AJAP1: variants seen among roughly 807,000 people sequenced by gnomAD.
AJAP1 encodes the protein adherens junction-associated protein 1.
AJAP1 carries 5 observed loss-of-function variants against 35.0 expected under a neutral mutation model. The ratio of observed to expected loss-of-function variants is 0.14; its 90% CI spans 0.07 to 0.30. The LOEUF is 0.30. Among genes scored for constraint, AJAP1 ranks in the 10% least tolerant of loss-of-function variants. AJAP1 has a pLI of 1.00. For missense variants in AJAP1, 586 were observed against 571.0 expected, an observed-to-expected ratio of 1.03 and a Z score of -0.27; for synonymous variants, 284 against 249.3, an observed-to-expected ratio of 1.14 and a Z score of -1.31.
intron 1 of AJAP1, among the ~76,000 whole-genome samples, chr1:4,657,724 G>A (rs1052131056): frequency 6.9e-6 from 1 of 144,910 alleles, no homozygotes; most frequent in Non-Finnish European, 1.5e-5. Context: ...GGGTGGGGGT[G>A]GGGGTGGGGT....
rs1414607727 is a variant in AJAP1, at chr1:4,692,380, T to TG, written c.30-19514dup. The stretch of plus-strand genomic sequence containing the variant: ...TGGCCTCTCAGCCTGCAGGAGAGGC[T>TG]GGGGGGCACGTCTGAGGGTGCAGCA... On this transcript the variant is annotated intron_variant, in intron 1 of 5. Coordinates refer to ENST00000378191, the MANE Select transcript of AJAP1 (RefSeq NM_018836.4). The surrounding 1 kb of genome is among the most constrained non-coding windows in gnomAD (Gnocchi z 4.4). Among the ~76,000 whole-genome samples, 3 of 152,216 alleles carry TG rather than the reference T, an allele frequency of 2.0e-5. No homozygotes were observed. The highest frequency in any genetic ancestry group is 1.3e-4 in the Admixed American group (2 of 15,296).
intron 2 of AJAP1, among the ~76,000 whole-genome samples, chr1:4,713,980 C>T (rs898599080): frequency 2.6e-5 from 4 of 152,236 alleles, no homozygotes; most frequent in Admixed American, 2.6e-4. Flanking sequence ...GCGTCCTGGC[C>T]CTGGTTCCTC....
Position 4,696,478 on chromosome 1 carries a change from A to G in AJAP1, c.30-15422A>G, listed in dbSNP as rs575278819. ...GTGTCCCTTTGGGAAGGAATTACCCAACCTACAGTGCTTCATCCCCATGCT... is the reference window on the plus strand; with the variant it reads ...GTGTCCCTTTGGGAAGGAATTACCCGACCTACAGTGCTTCATCCCCATGCT... On this transcript the variant is annotated intron_variant, in intron 1 of 5. Transcript: ENST00000378191. Among the ~76,000 whole-genome samples, 7 of 152,290 alleles carry G rather than the reference A, an allele frequency of 4.6e-5. No individual in the cohort carries two copies. The South Asian group carries it at 8.3e-4, about 18-fold the overall frequency.
rs1224724307 is a variant in AJAP1 at position 4,709,411 on chromosome 1, G to A, written c.30-2489G>A. Among the ~76,000 whole-genome samples, 5 of 151,914 alleles carry A rather than the reference G, an allele frequency of 3.3e-5. No individual in the cohort carries two copies. The South Asian group carries it at 1.0e-3, about 32-fold the overall frequency. On this transcript the variant is annotated intron_variant, in intron 1 of 5. Coordinates refer to ENST00000378191, the MANE Select transcript of AJAP1 (RefSeq NM_018836.4). ...AGCTTGGTGGAGTGTGGTGGGGCCT[G>A]GTGAGGCCTGGTGAGGTCTGGTGAG...
chr1:4,731,361 G>A (rs950210835), intron 2 of AJAP1, among the ~76,000 whole-genome samples: 4 of 152,326 alleles, frequency 2.6e-5, no homozygotes, highest in Admixed American at 2.0e-4. Flanking sequence ...GATTACAGGC[G>A]TGAGCCACTG....
chr1:4,685,591 A>C (rs1488968816), intron 1 of AJAP1, among the ~76,000 whole-genome samples: 3 of 152,188 alleles, frequency 2.0e-5, no homozygotes, highest in Admixed American at 6.5e-5. Flanking sequence ...CAGATCACCC[A>C]GCGCAGTGTC....
In AJAP1 at chr1:4,782,768, A is replaced by C; in HGVS notation, c.*283A>C. On this transcript the variant is annotated 3_prime_UTR_variant, in exon 6 of 6. Coordinates refer to ENST00000378191, the MANE Select transcript of AJAP1 (RefSeq NM_018836.4). The surrounding 1 kb of genome is among the most constrained non-coding windows in gnomAD (Gnocchi z 5.3). ...AGAGTTTTCTTTGGAGAACAGAAAG[A>C]AGAAAGGAAAGAAAGGAACCAGAGG... 1 of 398,638 alleles carries C rather than the reference A, an allele frequency of 2.5e-6. No homozygotes were observed. The highest frequency in any genetic ancestry group is 3.6e-5 in the East Asian group (1 of 28,066). 24.7% of individuals were successfully genotyped at this position (398,638 alleles called of 1,614,324 possible).
rs1480028337 is a variant in AJAP1 at position 4,723,803 on chromosome 1, G to C, written c.829+11104G>C. Reference sequence around the variant, plus strand: ...TTTCGTTTTGATTTTTTTTTTTATCGTGGGAGTATTCAGGCACGTCTTTCT... The same window carrying C: ...TTTCGTTTTGATTTTTTTTTTTATCCTGGGAGTATTCAGGCACGTCTTTCT... On this transcript the variant is annotated intron_variant, in intron 2 of 5. Coordinates refer to ENST00000378191, the MANE Select transcript of AJAP1 (RefSeq NM_018836.4). The surrounding 1 kb of genome is among the most constrained non-coding windows in gnomAD (Gnocchi z 4.3). Among the ~76,000 whole-genome samples, 1 of 151,728 alleles carries C rather than the reference G, an allele frequency of 6.6e-6. No individual in the cohort carries two copies. The highest frequency in any genetic ancestry group is 2.4e-5 in the African/African-American group (1 of 41,274).
chr1:4,787,250 A>G lies in AJAP1; in HGVS notation c.*4765A>G, dbSNP rs963295043. On this transcript the variant is annotated 3_prime_UTR_variant, in exon 6 of 6. Coordinates refer to ENST00000378191, the MANE Select transcript of AJAP1 (RefSeq NM_018836.4). ...GGGAGGAGGTGGATGGTTAATGTGA[A>G]AGCAAACCAAAATAATTTCCAGAGA... The G allele has an allele frequency of 6.2e-6, 1 of 162,290 alleles. No individual in the cohort carries two copies. The highest frequency in any genetic ancestry group is 1.3e-5 in the Non-Finnish European group (1 of 74,520). 10.1% of individuals were successfully genotyped at this position (162,290 alleles called of 1,614,324 possible). A position where few individuals can be genotyped will look rare whatever the true frequency, so the allele number is the denominator to read the frequency against.
intron 2 of AJAP1, among the ~76,000 whole-genome samples, chr1:4,763,927 A>G (rs1377433116): frequency 8.8e-6 from 1 of 113,178 alleles, no homozygotes; most frequent in African/African-American, 3.5e-5. Flanking sequence ...CCCTCTCCCC[A>G]CACCTTCCAA....
At chr1:4,694,571 C>T (rs900988628) in intron 1 of AJAP1, among the ~76,000 whole-genome samples, 1 of 152,230 alleles carries the variant, frequency 6.6e-6, no homozygotes, top group Admixed American at 6.5e-5. Context: ...TGGAACATTA[C>T]AAACTGTAAA....
At chr1:4,760,762 G>A (rs887165459) in intron 2 of AJAP1, among the ~76,000 whole-genome samples, 12 of 152,212 alleles carry the variant, frequency 7.9e-5, no homozygotes, top group African/African-American at 2.9e-4. Context: ...CACAAGGGGC[G>A]AATATGCAGG....
intron 2 of AJAP1, among the ~76,000 whole-genome samples, chr1:4,732,776 TC>T (rs1272290788): frequency 6.6e-6 from 1 of 152,170 alleles, no homozygotes; most frequent in Non-Finnish European, 1.5e-5. Context: ...GAGATGATCT[TC>T]CACACCAGGC....
At position 4,782,921 on chromosome 1, in the gene AJAP1, G is replaced by A. The variant is rs12074406; in HGVS notation, c.*436G>A. 166,842 of 398,114 alleles carry A rather than the reference G, an allele frequency of 0.42. 37,120 individuals are homozygous for A. Among genetic ancestry groups the A allele is most frequent in the African/African-American group, 0.61 (29,562 of 48,628 alleles). The allele number at this position is 398,114 out of a possible 1,614,324, so 24.7% of individuals were successfully genotyped here. A position where few individuals can be genotyped will look rare whatever the true frequency, so the allele number is the denominator to read the frequency against. ...ATGTACTGACCCGAAAGGCTCGGCCGCAGAGCCGGGGCCCAGCGAATCACG... is the reference window on the plus strand; with the variant it reads ...ATGTACTGACCCGAAAGGCTCGGCCACAGAGCCGGGGCCCAGCGAATCACG... On this transcript the variant is annotated 3_prime_UTR_variant, in exon 6 of 6. Transcript: ENST00000378191. The surrounding 1 kb of genome is among the most constrained non-coding windows in gnomAD (Gnocchi z 5.3).
intron 5 of AJAP1, among the ~76,000 whole-genome samples, chr1:4,778,416 T>C (rs1641981102): frequency 6.6e-6 from 1 of 152,174 alleles, no homozygotes; most frequent in Non-Finnish European, 1.5e-5. Flanking sequence ...CAGCTGAAGT[T>C]TGAGCAACAG....
chr1:4,769,427 C>T (rs1428386165), intron 2 of AJAP1, among the ~76,000 whole-genome samples: 2 of 152,158 alleles, frequency 1.3e-5, no homozygotes, highest in Non-Finnish European at 2.9e-5. Context: ...GCTAACCGTT[C>T]CAGAATAGAA....
chr1:4,700,829 A>G (rs1046930201), intron 1 of AJAP1, among the ~76,000 whole-genome samples: 1 of 152,178 alleles, frequency 6.6e-6, no homozygotes, highest in Non-Finnish European at 1.5e-5. Flanking sequence ...GGCTGAACCA[A>G]GGGGACCTGT....
At chr1:4,722,267 A>C (rs373339061) in intron 2 of AJAP1, among the ~76,000 whole-genome samples, 57 of 152,346 alleles carry the variant, frequency 3.7e-4, no homozygotes, top group African/African-American at 2.2e-4. Context: ...GGTTCCAAGC[A>C]TGTGGGTTAG....
intron 2 of AJAP1, among the ~76,000 whole-genome samples, chr1:4,753,193 T>C (rs1641358434): frequency 6.6e-6 from 1 of 152,086 alleles, no homozygotes; most frequent in Non-Finnish European, 1.5e-5. Context: ...ACATGGAAAA[T>C]AGGTTGAGGG....
Sources: gnomAD v4.1 joint callset for allele counts (sites outside exome capture counted in the v4.1 genomes callset) on GRCh38, gnomAD v4.1.1 for gene constraint, Gnocchi (gnomAD v3.1) non-coding constraint, MANE v1.5 for transcripts, NCBI Gene and HGNC (gene_info 2026-07-23, HGNC 2026-07-21) for gene names.